The following PNPLA8 variants were observed in gnomAD, a reference collection of about 807,000 sequenced individuals.
The protein encoded by PNPLA8 is calcium-independent phospholipase A2-gamma.
PNPLA8 carries 39 observed loss-of-function variants against 76.9 expected under a neutral mutation model. The observed-to-expected ratio is 0.51, with a 90% CI of 0.39 to 0.66. The LOEUF is 0.66. PNPLA8 is among the 30% of genes least tolerant of loss of function. The pLI is 0.00. For synonymous variants in PNPLA8, 301 were observed against 307.9 expected, an observed-to-expected ratio of 0.98 and a Z score of 0.24; for missense variants, 887 against 918.0, an observed-to-expected ratio of 0.97 and a Z score of 0.44.
In PNPLA8 at chr7:108,496,670, T is replaced by C; in HGVS notation, c.1539A>G (p.Val513=). The change falls in exon 7 of 11, where the codon GTA becomes GTG. Residue 513 remains valine, a synonymous_variant. Transcript: ENST00000257694. The part of the protein sequence containing the change: ...EELYRKLGSD[V]FSQNVIVGTV... ...TTCCAACAATGACATTTTGTGAAAA[T>C]ACATCTGATCCTAATTTTCGATAAA... is the stretch of plus-strand genomic sequence containing the variant. The C allele has an allele frequency of 6.2e-7, 1 of 1,612,612 alleles. No individual in the cohort carries two copies. The highest frequency in any genetic ancestry group is 8.5e-7 in the Non-Finnish European group (1 of 1,179,084).
chr7:108,520,854 C>A (rs1372844547), intron 2 of PNPLA8, among the ~76,000 whole-genome samples: 3 of 152,030 alleles, frequency 2.0e-5, no homozygotes, highest in Non-Finnish European at 2.9e-5. Flanking sequence ...TACTTAAAAA[C>A]ATCATGTTGC....
At chr7:108,500,009 G>A (rs188360911) in intron 5 of PNPLA8, among the ~76,000 whole-genome samples, 2 of 152,060 alleles carry the variant, frequency 1.3e-5, no homozygotes, top group East Asian at 3.9e-4. Flanking sequence ...CCTTTACTTT[G>A]CTTTATTTTT....
chr7:108,500,549 G>A (rs1454426033), intron 5 of PNPLA8, among the ~76,000 whole-genome samples: 1 of 152,184 alleles, frequency 6.6e-6, no homozygotes, highest in Admixed American at 6.5e-5. Context: ...TTTTGTCCCA[G>A]TCACACACAG....
chr7:108,502,004 A>C (rs1861984422), intron 5 of PNPLA8, among the ~76,000 whole-genome samples: 1 of 152,162 alleles, frequency 6.6e-6, no homozygotes, highest in African/African-American at 2.4e-5. Flanking sequence ...CAAACCAAAG[A>C]ACTGAAGTAT....
chr7:108,496,070 C>T (rs532637604), intron 7 of PNPLA8, among the ~76,000 whole-genome samples: 10 of 152,090 alleles, frequency 6.6e-5, no homozygotes, highest in Admixed American at 5.9e-4. Context: ...CTTCTCTCTA[C>T]TAAAAACAGA....
intron 2 of PNPLA8, among the ~76,000 whole-genome samples, chr7:108,519,010 C>T (rs1344302713): frequency 6.7e-6 from 1 of 148,264 alleles, no homozygotes; most frequent in Non-Finnish European, 1.5e-5. Flanking sequence ...ATTTAAAGGA[C>T]TGTAACAGAA....
chr7:108,521,421 G>T, intron 2 of PNPLA8, 55 bp downstream of exon 2: 1 of 316,360 alleles, frequency 3.2e-6, no homozygotes, highest in Non-Finnish European at 4.6e-6. Context: ...TAAGGGAAAG[G>T]CATTAATTAT....
rs1312599099 is a variant in PNPLA8, at chr7:108,471,723, GA to G, written c.*677del. 1 of 152,170 alleles carries G rather than the reference GA, an allele frequency of 6.6e-6. No homozygotes were observed. Among genetic ancestry groups the G allele is most frequent in the African/African-American group, 2.4e-5 (1 of 41,444 alleles). 9.4% of individuals were successfully genotyped at this position (152,170 alleles called of 1,614,324 possible). ...GAAGAATAAGCTAGTGTTAGATCTG[GA>G]AAAGTTAATATAGCATTATCTTGAA... On this transcript the variant is annotated 3_prime_UTR_variant, in exon 11 of 11. Transcript: ENST00000257694.
In PNPLA8 at chr7:108,521,522, C is replaced by T. The variant is rs571141331; in HGVS notation, c.-129-1G>A. 1.5e-5 allele frequency: 11 copies of T among 755,932 alleles called. No homozygotes were observed. The African/African-American group carries it at 2.0e-4, about 14-fold the overall frequency. The allele number at this position is 755,932 out of a possible 1,614,324, so 46.8% of individuals were successfully genotyped here. On this transcript the variant is annotated splice_acceptor_variant, in intron 1 of 10. Transcript: ENST00000257694. LOFTEE classifies it low-confidence loss of function (5UTR_SPLICE). Reference sequence around the variant, plus strand: ...TGTAGACCTTGGAGGAGAAGACAATCTATTGAGAAATAAAACAAATAATAA... The same window carrying T: ...TGTAGACCTTGGAGGAGAAGACAATTTATTGAGAAATAAAACAAATAATAA...
At chr7:108,508,749 G>A (rs1467235206) in intron 4 of PNPLA8, among the ~76,000 whole-genome samples, 1 of 152,038 alleles carries the variant, frequency 6.6e-6, no homozygotes, top group Admixed American at 6.6e-5. Context: ...CAAAGCTGGA[G>A]GAAGCACACT....
chr7:108,483,285 T>C (rs1860526433), intron 9 of PNPLA8, among the ~76,000 whole-genome samples: 1 of 152,230 alleles, frequency 6.6e-6, no homozygotes, highest in Non-Finnish European at 1.5e-5. Context: ...ATGTCATTTA[T>C]CACCAATGTG....
intron 4 of PNPLA8, among the ~76,000 whole-genome samples, chr7:108,504,283 C>G (rs1290636788): frequency 6.6e-6 from 1 of 152,140 alleles, no homozygotes; most frequent in Non-Finnish European, 1.5e-5. Flanking sequence ...GTATGTGAAT[C>G]CAGTACCGAA....
In PNPLA8 at chr7:108,515,014, A is replaced by G. The variant is rs200895107; in HGVS notation, c.478T>C (p.Tyr160His). 1 of 1,607,396 alleles carries G rather than the reference A, an allele frequency of 6.2e-7. No individual in the cohort carries two copies. Among genetic ancestry groups the G allele is most frequent in the Middle Eastern group, 1.7e-4 (1 of 6,058 alleles). Residue 160 changes from tyrosine (Y) to histidine (H), a missense_variant, in exon 3 of 11, where the codon TAT becomes CAT. Transcript: ENST00000257694. ...IKQAIKSLKK[Y>H]SDKSAEKSPF... ...CTCTTTTCTGCTGATTTGTCACTATATTTTTTCAGAGATTTGATGGCTTGT... is the reference window on the plus strand; with the variant it reads ...CTCTTTTCTGCTGATTTGTCACTATGTTTTTTCAGAGATTTGATGGCTTGT...
Position 108,521,492 on chromosome 7 carries a change from A to G in PNPLA8, c.-100T>C. 1.2e-6 allele frequency: 1 copy of G among 817,280 alleles called. No individual in the cohort carries two copies. Among genetic ancestry groups the G allele is most frequent in the African/African-American group, 1.8e-5 (1 of 54,174 alleles). 50.6% of individuals were successfully genotyped at this position (817,280 alleles called of 1,614,324 possible). ...TCCACTTACTTATTAAACTTCAGGT[A>G]ATCATGTAGACCTTGGAGGAGAAGA... On this transcript the variant is annotated 5_prime_UTR_variant, in exon 2 of 11. Coordinates refer to ENST00000257694, the MANE Select transcript of PNPLA8 (RefSeq NM_001256007.3).
intron 2 of PNPLA8, among the ~76,000 whole-genome samples, chr7:108,516,665 G>T (rs1863364612): frequency 6.6e-6 from 1 of 152,206 alleles, no homozygotes; most frequent in Non-Finnish European, 1.5e-5. Context: ...CACTTTAGGA[G>T]GCTGAGGCAG....
chr7:108,510,529 C>G, intron 4 of PNPLA8: 1 of 1,369,284 alleles, frequency 7.3e-7, no homozygotes, highest in Non-Finnish European at 1.0e-6. Flanking sequence ...GTATCAGTGG[C>G]GTGAGCCCAA....
chr7:108,492,838 C>A (rs1563950176), intron 7 of PNPLA8, among the ~76,000 whole-genome samples: 1 of 152,210 alleles, frequency 6.6e-6, no homozygotes, highest in South Asian at 2.1e-4. Flanking sequence ...TCATTGTATA[C>A]AGTCTCTTCC....
At chr7:108,507,341 CAAAAAAA>C (rs66685490) in intron 4 of PNPLA8, among the ~76,000 whole-genome samples, 21 of 45,384 alleles carry the variant, frequency 4.6e-4, no homozygotes, top group African/African-American at 1.9e-3. Flanking sequence ...GACTCTGTCT[CAAAAAAA>C]AAAAAAAAAA....
chr7:108,490,555 G>T (rs1861076865), intron 8 of PNPLA8, among the ~76,000 whole-genome samples: 1 of 152,094 alleles, frequency 6.6e-6, no homozygotes, highest in Non-Finnish European at 1.5e-5. Context: ...AGGCTGAGGT[G>T]GGCGAATCAC....
Sources: allele counts gnomAD v4.1 joint callset (sites outside exome capture counted in the v4.1 genomes callset), GRCh38; gene constraint gnomAD v4.1.1; transcripts MANE v1.5; gene names NCBI Gene and HGNC (gene_info 2026-07-23, HGNC 2026-07-21).